EYS: variants seen among roughly 807,000 people sequenced by gnomAD.
EYS encodes the protein EGF-like photoreceptor maintenance factor.
Under a neutral mutation model 282.1 loss-of-function variants are expected in EYS, and 250 were observed. That is an observed-to-expected ratio of 0.89 (90% CI 0.80 to 0.98). The LOEUF is 0.98. EYS is among the 50% of genes least tolerant of loss of function. EYS has a pLI of 0.00. For synonymous variants in EYS, 1,355 were observed against 1,282.9 expected, an observed-to-expected ratio of 1.06 and a Z score of -1.20; for missense variants, 4,016 against 3,709.0, an observed-to-expected ratio of 1.08 and a Z score of -2.15.
chr6:65,403,329 A>G (rs2150364260), intron 6 of EYS, among the ~76,000 whole-genome samples: 1 of 152,136 alleles, frequency 6.6e-6, no homozygotes, highest in African/African-American at 2.4e-5. Context: ...CCTGCATTCA[A>G]AATACAACCT....
intron 12 of EYS, among the ~76,000 whole-genome samples, chr6:65,181,879 T>TA (rs1323729107): frequency 6.6e-6 from 1 of 152,024 alleles, no homozygotes; most frequent in African/African-American, 2.4e-5. Flanking sequence ...TATGCAGCCA[T>TA]AAAAAATGAT....
At chr6:64,455,451 T>G (rs1775525530) in intron 26 of EYS, among the ~76,000 whole-genome samples, 1 of 152,086 alleles carries the variant, frequency 6.6e-6, no homozygotes, top group Non-Finnish European at 1.5e-5. Flanking sequence ...ATTATTTTAT[T>G]TTATTTTAAG....
intron 26 of EYS, among the ~76,000 whole-genome samples, chr6:64,575,993 CT>C (rs1442059270): frequency 1.3e-5 from 2 of 152,020 alleles, no homozygotes; most frequent in Admixed American, 6.6e-5. Context: ...TGTCATAGAA[CT>C]TTTCTAAAGA....
intron 31 of EYS, among the ~76,000 whole-genome samples, chr6:64,183,142 C>G (rs576159466): frequency 1.3e-5 from 2 of 152,152 alleles, no homozygotes; most frequent in Non-Finnish European, 2.9e-5. Context: ...TCATTCTTCT[C>G]CCTCCTGCCA....
At position 65,324,149 on chromosome 6, in the gene EYS, C is replaced by A. The variant is rs1769553593; in HGVS notation, c.1766+10831G>T. Among the ~76,000 whole-genome samples, 3 of 151,528 alleles carry A rather than the reference C, an allele frequency of 2.0e-5. No homozygotes were observed. The South Asian group carries it at 6.3e-4, about 32-fold the overall frequency. On this transcript the variant is annotated intron_variant, in intron 11 of 42. Transcript: ENST00000503581. ...GCCTGGCTACGCTATATAAAATAGC[C>A]CCTTTCCCAGCTTTCTTTATCAATT...
In EYS at chr6:65,442,899, T is replaced by TAC. The variant is rs1768410355; in HGVS notation, c.863-37533_863-37532insGT. 7.1e-5 allele frequency among the ~76,000 whole-genome samples: 7 copies of TAC among 97,972 alleles called. 2 individuals are homozygous for TAC. Among genetic ancestry groups the TAC allele is most frequent in the South Asian group, 3.2e-4 (1 of 3,102 alleles). The allele number at this position is 97,972 out of a possible 152,430, so 64.3% of individuals were successfully genotyped here. The stretch of plus-strand genomic sequence containing the variant: ...ATACACATACATATGTACATATATG[T>TAC]ATATATACATGCACATACATATGTA... On this transcript the variant is annotated intron_variant, in intron 5 of 42. Transcript: ENST00000503581.
At chr6:65,540,764 C>CA (rs796277819) in intron 2 of EYS, among the ~76,000 whole-genome samples, 33 of 151,024 alleles carry the variant, frequency 2.2e-4, no homozygotes, top group East Asian at 9.8e-4. Flanking sequence ...ACTAAAAATA[C>CA]AAAAAAAAAT....
At chr6:64,717,730 G>A (rs1677312771) in intron 22 of EYS, among the ~76,000 whole-genome samples, 1 of 152,124 alleles carries the variant, frequency 6.6e-6, no homozygotes, top group African/African-American at 2.4e-5. Context: ...TATGCTATGA[G>A]GCTTTTCTCA....
chr6:63,944,948 A>T (rs556411979), intron 35 of EYS, among the ~76,000 whole-genome samples: 1 of 152,218 alleles, frequency 6.6e-6, no homozygotes, highest in Non-Finnish European at 1.5e-5. Flanking sequence ...AAAAATAAAA[A>T]ATAAGAATAA....
chr6:64,391,486 A>G (rs1773138694), intron 28 of EYS, among the ~76,000 whole-genome samples: 1 of 151,698 alleles, frequency 6.6e-6, no homozygotes, highest in African/African-American at 2.4e-5. Context: ...TTCTTAAAGA[A>G]AAGAATTTTC....
At chr6:65,663,676 T>C (rs1433688269) in intron 1 of EYS, among the ~76,000 whole-genome samples, 2 of 151,768 alleles carry the variant, frequency 1.3e-5, no homozygotes, top group Non-Finnish European at 2.9e-5. Context: ...ATAAAATCTT[T>C]ATTTATTTAT....
chr6:64,178,379 T>C (rs897004496), intron 31 of EYS, among the ~76,000 whole-genome samples: 11 of 152,164 alleles, frequency 7.2e-5, no homozygotes, highest in Non-Finnish European at 1.3e-4. Context: ...AACAGAGTCC[T>C]TGTATTATCT....
chr6:65,030,959 C>T (rs755442908), intron 13 of EYS, among the ~76,000 whole-genome samples: 17 of 151,880 alleles, frequency 1.1e-4, no homozygotes, highest in Non-Finnish European at 2.1e-4. Flanking sequence ...GGAGAAAATT[C>T]TACAAGGCAA....
intron 22 of EYS, among the ~76,000 whole-genome samples, chr6:64,675,156 A>C (rs1769606038): frequency 6.6e-6 from 1 of 151,994 alleles, no homozygotes; most frequent in African/African-American, 2.4e-5. Context: ...CATTTTTTCT[A>C]TCTTAAATTT....
chr6:64,300,117 A>G (rs1044431981), intron 30 of EYS, among the ~76,000 whole-genome samples: 1 of 152,190 alleles, frequency 6.6e-6, no homozygotes, highest in Non-Finnish European at 1.5e-5. Context: ...GTAATGCAAG[A>G]TCAACAAGGC....
intron 16 of EYS, among the ~76,000 whole-genome samples, chr6:64,907,936 C>G (rs2150074424): frequency 6.6e-6 from 1 of 152,204 alleles, no homozygotes; most frequent in African/African-American, 2.4e-5. Context: ...GAAAATAAAG[C>G]AGGGAAGAGA....
At chr6:64,679,761 T>C (rs115032113) in intron 22 of EYS, among the ~76,000 whole-genome samples, 1 of 152,182 alleles carries the variant, frequency 6.6e-6, no homozygotes, top group Non-Finnish European at 1.5e-5. Context: ...TTTAATTATT[T>C]TTTCTTTATT....
intron 5 of EYS, among the ~76,000 whole-genome samples, chr6:65,415,610 G>T (rs1007367297): frequency 4.6e-5 from 7 of 152,072 alleles, no homozygotes; most frequent in Admixed American, 2.6e-4. Context: ...TCAGGTAAGA[G>T]ACATCAATAT....
intron 2 of EYS, among the ~76,000 whole-genome samples, chr6:65,532,144 A>C (rs1362408165): frequency 2.6e-5 from 4 of 152,138 alleles, no homozygotes; most frequent in Non-Finnish European, 5.9e-5. Context: ...TTTTATTTTA[A>C]TTTAAACAAT....
Sources: gnomAD v4.1 joint callset for allele counts (sites outside exome capture counted in the v4.1 genomes callset) on GRCh38, gnomAD v4.1.1 for gene constraint, MANE v1.5 for transcripts, NCBI Gene and HGNC (gene_info 2026-07-23, HGNC 2026-07-21) for gene names.